DCAF6: variants seen among roughly 807,000 people sequenced by gnomAD.
DCAF6 encodes the protein DDB1 and CUL4 associated factor 6.
A neutral mutation model predicts 125.1 loss-of-function variants in DCAF6; 54 were observed. The observed-to-expected ratio is 0.43, with a 90% CI of 0.35 to 0.54. DCAF6 has a LOEUF of 0.54. Among genes scored for constraint, DCAF6 ranks in the 20% least tolerant of loss-of-function variants. The pLI is 0.01. For missense variants in DCAF6, 934 were observed against 1,161.7 expected (o/e 0.80, Z 2.85); for synonymous variants, 371 against 390.4 (o/e 0.95, Z 0.58).
At chr1:167,986,354 T>C (rs1266571367) in intron 4 of DCAF6, among the ~76,000 whole-genome samples, 1 of 152,206 alleles carries the variant, frequency 6.6e-6, no homozygotes, top group Non-Finnish European at 1.5e-5. Context: ...TCATCAACAC[T>C]TGATATTATA....
At chr1:168,005,751 A>T (rs1277860250) in intron 10 of DCAF6, among the ~76,000 whole-genome samples, 1 of 151,990 alleles carries the variant, frequency 6.6e-6, no homozygotes, top group Non-Finnish European at 1.5e-5. Context: ...TAATTTAAGC[A>T]CTCTTTTATC....
the DCAF6 span, chr1:167,896,570 G>C: frequency 1.3e-6 from 2 of 1,562,096 alleles, no homozygotes; most frequent in Non-Finnish European, 1.8e-6. Flanking sequence ...AGAGGCAAAG[G>C]CATTTTTCCA....
chr1:168,026,325 T>C (rs144315466), intron 12 of DCAF6, among the ~76,000 whole-genome samples: 321 of 152,310 alleles, frequency 2.1e-3, no homozygotes, highest in African/African-American at 7.5e-3. Context: ...ATGAATTCTT[T>C]AAGCAATTAT....
the DCAF6 span, chr1:167,870,122 A>C: frequency 1.5e-5 from 15 of 969,210 alleles, no homozygotes; most frequent in Non-Finnish European, 2.1e-5. Flanking sequence ...TTATCTATTT[A>C]GCACAAGGGT....
the DCAF6 span, among the ~76,000 whole-genome samples, chr1:167,869,045 A>G: frequency 6.6e-6 from 1 of 152,242 alleles, no homozygotes; most frequent in African/African-American, 2.4e-5. Flanking sequence ...CTGTCTACAC[A>G]TAGATAATCA....
At chr1:167,935,754 G>A (rs1245206065), upstream of DCAF6, 1 of 1,564,204 alleles carries the variant, frequency 6.4e-7, no homozygotes, top group East Asian at 2.4e-5. Flanking sequence ...TTGTACAACG[G>A]CCTCAATTTC....
intron 7 of DCAF6, among the ~76,000 whole-genome samples, chr1:167,995,445 C>A (rs1454206884): frequency 6.6e-6 from 1 of 151,984 alleles, no homozygotes; most frequent in Non-Finnish European, 1.5e-5. Flanking sequence ...TTTGGGAGGT[C>A]GAGGCGAGTG....
At chr1:168,075,244 C>G in intron 21 of DCAF6, 127 bp from the exon 22 acceptor site, 2 of 778,046 alleles carry the variant, frequency 2.6e-6, no homozygotes, top group Non-Finnish European at 4.0e-6. Flanking sequence ...TTATTTGCCT[C>G]TAAAGACATC....
intron 1 of DCAF6, among the ~76,000 whole-genome samples, chr1:167,946,189 C>T (rs1272799801): frequency 6.6e-6 from 1 of 152,140 alleles, no homozygotes; most frequent in Non-Finnish European, 1.5e-5. Flanking sequence ...CTACTGACCT[C>T]AGGTGATCTG....
chr1:167,918,795 G>C, the DCAF6 span, among the ~76,000 whole-genome samples: 3 of 152,012 alleles, frequency 2.0e-5, no homozygotes, highest in South Asian at 6.2e-4. Context: ...GTGTTTCACC[G>C]TGTTAGCCAG....
chr1:167,935,682 A>T, upstream of DCAF6: 1 of 1,479,154 alleles, frequency 6.8e-7, no homozygotes, highest in Non-Finnish European at 9.3e-7. Context: ...GGTCCATTTT[A>T]GAGGAAGCGA....
intron 4 of DCAF6, among the ~76,000 whole-genome samples, chr1:167,986,772 G>C (rs1680065709): frequency 6.6e-6 from 1 of 152,192 alleles, no homozygotes; most frequent in African/African-American, 2.4e-5. Flanking sequence ...CTTCCTAACA[G>C]GCTACGGACC....
Position 168,044,914 on chromosome 1 carries a change from T to G in DCAF6, c.1945T>G (p.Phe649Val). ...TTTTCTGACAGCACAATCAGATAAG[T>G]TCACAGCCAAGCCATTGGATTCCAA... Reference protein sequence around the residue: ...NHINITQSDKFTAKPLDSNSG... With the variant: ...NHINITQSDKVTAKPLDSNSG... The change falls in exon 16 of 22, where the codon TTC (phenylalanine) becomes GTC (valine). Residue 649 changes from phenylalanine (F) to valine (V), a missense_variant. Transcript: ENST00000367840. 6.2e-7 allele frequency: 1 copy of G among 1,613,808 alleles called. No homozygotes were observed. The highest frequency in any genetic ancestry group is 2.2e-5 in the East Asian group (1 of 44,878).
chr1:167,906,205 G>C, the DCAF6 span, among the ~76,000 whole-genome samples: 2 of 151,836 alleles, frequency 1.3e-5, no homozygotes, highest in African/African-American at 2.4e-5. Context: ...ACATTTAACA[G>C]ACAAACTTTA....
intron 3 of DCAF6, among the ~76,000 whole-genome samples, chr1:167,973,211 A>G (rs981219364): frequency 6.6e-6 from 1 of 152,230 alleles, no homozygotes; most frequent in Admixed American, 6.5e-5. Context: ...ATTTTACAGA[A>G]TGTTGCTCCA....
chr1:167,884,367 C>T, the DCAF6 span, among the ~76,000 whole-genome samples: 5 of 152,168 alleles, frequency 3.3e-5, no homozygotes, highest in African/African-American at 7.2e-5. Context: ...CAATCAGATC[C>T]CATGAGAACT....
At chr1:168,018,600 A>G (rs1422457044) in intron 11 of DCAF6, among the ~76,000 whole-genome samples, 1 of 152,244 alleles carries the variant, frequency 6.6e-6, no homozygotes, top group African/African-American at 2.4e-5. Flanking sequence ...CTTTAGAACT[A>G]ATTTCCAAAA....
chr1:167,902,128 T>C, the DCAF6 span: 131 of 1,408,464 alleles, frequency 9.3e-5, 1 homozygote, highest in East Asian at 2.5e-3. Context: ...TCTTTCTTAG[T>C]GGAATAGAAA....
chr1:168,024,681 G>A (rs1383658332), intron 12 of DCAF6, among the ~76,000 whole-genome samples: 1 of 151,834 alleles, frequency 6.6e-6, no homozygotes, highest in Non-Finnish European at 1.5e-5. Context: ...GCCCGTGCCT[G>A]TAATCCTAGC....
Sources: gnomAD v4.1 joint callset for allele counts (sites outside exome capture counted in the v4.1 genomes callset) on GRCh38, gnomAD v4.1.1 for gene constraint, MANE v1.5 for transcripts, NCBI Gene and HGNC (gene_info 2026-07-23, HGNC 2026-07-21) for gene names.